SPI1: variants seen among roughly 807,000 people sequenced by gnomAD.
SPI1 encodes the protein Spi-1 proto-oncogene.
Under a neutral mutation model 30.7 loss-of-function variants are expected in SPI1, and 3 were observed. That is an observed-to-expected ratio of 0.10 (90% CI 0.04 to 0.25). SPI1 has a LOEUF of 0.25. Ranked by LOEUF, SPI1 falls within the 10% of genes least tolerant of loss-of-function variation. The pLI is 1.00. For synonymous variants in SPI1, 169 were observed against 157.1 expected (o/e 1.08, Z -0.56); for missense variants, 261 against 371.5 (o/e 0.70, Z 2.45).
chr11:47,367,626 A>G (rs2095930220), intron 2 of SPI1, among the ~76,000 whole-genome samples: 1 of 152,050 alleles, frequency 6.6e-6, no homozygotes, highest in Admixed American at 6.6e-5. Flanking sequence ...TAGTTAAAAA[A>G]AAAAGAAAGA....
intron 1 of SPI1, among the ~76,000 whole-genome samples, chr11:47,377,982 C>G (rs540258255): frequency 6.6e-6 from 1 of 152,346 alleles, no homozygotes; most frequent in African/African-American, 2.4e-5. Flanking sequence ...TCCTCTACCT[C>G]TCTACCACCG....
intron 2 of SPI1, among the ~76,000 whole-genome samples, chr11:47,368,979 C>T (rs956110050): frequency 1.3e-5 from 2 of 152,166 alleles, no homozygotes; most frequent in Non-Finnish European, 2.9e-5. Context: ...GGCATGGTGG[C>T]TTATTCCTGT....
intron 4 of SPI1, 128 bp from the exon 5 acceptor site, chr11:47,355,674 C>T (rs2142875120): frequency 1.3e-6 from 1 of 747,960 alleles, no homozygotes; most frequent in East Asian, 2.8e-5. Context: ...CTGCCCCAGC[C>T]CGCGCCGGGC....
Position 47,375,544 on chromosome 11 carries a change from C to T in SPI1, c.142+89G>A, listed in dbSNP as rs2095941080. 2.9e-6 allele frequency: 3 copies of T among 1,052,186 alleles called. No homozygotes were observed. Among genetic ancestry groups the T allele is most frequent in the Non-Finnish European group, 2.9e-6 (2 of 682,876 alleles). The allele number at this position is 1,052,186 out of a possible 1,614,324, so 65.2% of individuals were successfully genotyped here. A position where few individuals can be genotyped will look rare whatever the true frequency, so the allele number is the denominator to read the frequency against. ...CTGATTCTCAGAATTCCAAAGAAGTCCTGGGAATCATTTATTCTTTTTCTC... is the reference window on the plus strand; with the variant it reads ...CTGATTCTCAGAATTCCAAAGAAGTTCTGGGAATCATTTATTCTTTTTCTC... On this transcript the variant is annotated intron_variant, in intron 2 of 4. Coordinates refer to ENST00000378538, the MANE Select transcript of SPI1 (RefSeq NM_003120.3). The surrounding 1 kb of genome is among the most constrained non-coding windows in gnomAD (Gnocchi z 4.2).
At position 47,374,406 on chromosome 11, in the gene SPI1, G is replaced by A. The variant is rs2095939733; in HGVS notation, c.142+1227C>T. Among the ~76,000 whole-genome samples, 1 of 152,216 alleles carries A rather than the reference G, an allele frequency of 6.6e-6. No individual in the cohort carries two copies. The highest frequency in any genetic ancestry group is 6.5e-5 in the Admixed American group (1 of 15,288). ...TGGAGGCATATCCGCCTACCCCTGG[G>A]ATATGGCTTCCAGTCTGAGTTCCGG... is the stretch of plus-strand genomic sequence containing the variant. On this transcript the variant is annotated intron_variant, in intron 2 of 4. Coordinates refer to ENST00000378538, the MANE Select transcript of SPI1 (RefSeq NM_003120.3). The surrounding 1 kb of genome is among the most constrained non-coding windows in gnomAD (Gnocchi z 4.5).
chr11:47,359,909 G>C lies in SPI1; in HGVS notation c.274C>G (p.Gln92Glu). Residue 92 changes from glutamine (Q) to glutamate (E), a missense_variant, in exon 3 of 5, where the codon CAG becomes GAG. Gln to Glu is a conservative substitution (Grantham distance 29). This residue lies in a region of SPI1 where 106 missense variants were observed against 102.0 expected (regional missense o/e 1.04). Coordinates refer to ENST00000378538, the MANE Select transcript of SPI1 (RefSeq NM_003120.3). This position sits in a 1 kb window ranked among gnomAD's most constrained non-coding sequence, Gnocchi z 5.1. ...ATGGGGGTATCGAGGACGTGCATCT[G>C]CTCCAGCTCCATGTGGCGGTAGAGC... The part of the protein sequence containing the change: ...QQLYRHMELE[Q>E]MHVLDTPMVP... The C allele has an allele frequency of 6.2e-7, 1 of 1,610,732 alleles. No individual in the cohort carries two copies. The highest frequency in any genetic ancestry group is 8.5e-7 in the Non-Finnish European group (1 of 1,179,862).
intron 4 of SPI1, among the ~76,000 whole-genome samples, chr11:47,355,864 A>ACG (rs71457215): frequency 6.7e-6 from 1 of 149,498 alleles, no homozygotes; most frequent in African/African-American, 2.5e-5. Flanking sequence ...ACCTCCTTAC[A>ACG]CATGCTCACA....
chr11:47,367,473 G>C (rs897423280), intron 2 of SPI1, among the ~76,000 whole-genome samples: 2 of 150,980 alleles, frequency 1.3e-5, no homozygotes, highest in Non-Finnish European at 2.9e-5. Context: ...AAAATCACTT[G>C]AGCCTGGGAG....
At chr11:47,368,778 CTGT>C (rs1445479456) in intron 2 of SPI1, among the ~76,000 whole-genome samples, 1 of 152,038 alleles carries the variant, frequency 6.6e-6, no homozygotes, top group Non-Finnish European at 1.5e-5. Flanking sequence ...GGAAAATGAG[CTGT>C]TGTTCAGTGA....
chr11:47,373,193 A>T (rs2095938122), intron 2 of SPI1, among the ~76,000 whole-genome samples: 1 of 152,014 alleles, frequency 6.6e-6, no homozygotes, highest in Non-Finnish European at 1.5e-5. Flanking sequence ...TCTACTAAAA[A>T]TACAAAAAAT....
intron 4 of SPI1, among the ~76,000 whole-genome samples, chr11:47,355,789 A>T (rs2142875545): frequency 2.2e-5 from 3 of 136,300 alleles, no homozygotes; most frequent in African/African-American, 8.4e-5. Flanking sequence ...CCCCACGCGC[A>T]CACACTCGCA....
At chr11:47,355,743 T>C (rs1242397294) in intron 4 of SPI1, among the ~76,000 whole-genome samples, 197 bp from the exon 5 acceptor site, 1 of 145,844 alleles carries the variant, frequency 6.9e-6, no homozygotes, top group East Asian at 2.1e-4. Context: ...CACACAGGCG[T>C]TCACACACAC....
rs760998640 is a variant in SPI1, at chr11:47,358,823, G to T, written c.493+21C>A. ...AGACACGGCCAGGGTCGGGGCCAGG[G>T]TGGAGGGCCAGGTGCCCCACCTGTC... On this transcript the variant is annotated intron_variant, in intron 4 of 4. Transcript: ENST00000378538. The T allele has an allele frequency of 1.9e-5, 29 of 1,548,610 alleles. No individual in the cohort carries two copies. In the South Asian group the frequency reaches 3.5e-4, roughly 18 times the overall value.
rs1190638081 is a variant in SPI1, at chr11:47,357,235, TCA to T, written c.493+1607_493+1608del. On this transcript the variant is annotated intron_variant, in intron 4 of 4. Transcript: ENST00000378538. ...CACACACACATGCTCACACATATGC[TCA>T]CACATCACACATACCTGCTCACATA... is the stretch of plus-strand genomic sequence containing the variant. Among the ~76,000 whole-genome samples, 17 of 149,442 alleles carry T rather than the reference TCA, an allele frequency of 1.1e-4. No individual in the cohort carries two copies. In the East Asian group the frequency reaches 1.2e-3, roughly 10 times the overall value.
At chr11:47,363,295 C>T (rs538699558) in intron 2 of SPI1, among the ~76,000 whole-genome samples, 7 of 152,208 alleles carry the variant, frequency 4.6e-5, no homozygotes, top group East Asian at 3.9e-4. Context: ...CCAAGGCGAG[C>T]GAATCACCTG....
rs773349782 is a variant in SPI1, at chr11:47,359,823, C to T, written c.330+30G>A. ...GCCCCACCACAGGCCTGGCAGTCTC[C>T]TGGGGGACGGGGCAGGCGGTGGCAT... is the stretch of plus-strand genomic sequence containing the variant. On this transcript the variant is annotated intron_variant, in intron 3 of 4. Transcript: ENST00000378538. This position sits in a 1 kb window ranked among gnomAD's most constrained non-coding sequence, Gnocchi z 5.1. 1.3e-6 allele frequency: 2 copies of T among 1,598,846 alleles called. No homozygotes were observed. The highest frequency in any genetic ancestry group is 2.2e-5 in the South Asian group (2 of 90,956).
Position 47,355,246 on chromosome 11 carries a change from C to G in SPI1, c.794G>C (p.Arg265Pro), listed in dbSNP as rs780179432. Residue 265 changes from arginine (R) to proline (P), a missense_variant, in exon 5 of 5, where the codon CGG (arginine) becomes CCG (proline). This residue lies in a region of SPI1 where 24 missense variants were observed against 20.9 expected (regional missense o/e 1.15). Coordinates refer to ENST00000378538, the MANE Select transcript of SPI1 (RefSeq NM_003120.3). ...GCGGGCTCAGTGGGGCGGGTGGCGCCGCTCGGCCAGGCCCCCGCGGCCCAG... is the reference window on the plus strand; with the variant it reads ...GCGGGCTCAGTGGGGCGGGTGGCGCGGCTCGGCCAGGCCCCCGCGGCCCAG... ...EVLGRGGLAE[R>P]RHPPH The G allele has an allele frequency of 2.1e-6, 3 of 1,442,620 alleles. No homozygotes were observed. The highest frequency in any genetic ancestry group is 1.5e-5 in the African/African-American group (1 of 67,956). 89.4% of individuals were successfully genotyped at this position (1,442,620 alleles called of 1,614,324 possible).
chr11:47,367,118 A>AT (rs1484522515), intron 2 of SPI1, among the ~76,000 whole-genome samples: 4 of 152,176 alleles, frequency 2.6e-5, no homozygotes, highest in Admixed American at 2.0e-4. Context: ...TAAGTGGATG[A>AT]TTAGATGGGT....
intron 2 of SPI1, among the ~76,000 whole-genome samples, chr11:47,371,574 G>A (rs1014626690): frequency 6.7e-6 from 1 of 149,198 alleles, no homozygotes; most frequent in African/African-American, 2.5e-5. Flanking sequence ...GGCTGAGGTA[G>A]GAGAATCGCT....
Sources: allele counts gnomAD v4.1 joint callset (sites outside exome capture counted in the v4.1 genomes callset), GRCh38; gene constraint gnomAD v4.1.1; regional missense constraint gnomAD v4.1.1; non-coding constraint Gnocchi (gnomAD v3.1); transcripts MANE v1.5; gene names NCBI Gene and HGNC (gene_info 2026-07-23, HGNC 2026-07-21).